LGR4: variants seen among roughly 807,000 people sequenced by gnomAD.
The protein encoded by LGR4 is leucine-rich repeat-containing G protein-coupled receptor 4.
A neutral mutation model predicts 84.8 loss-of-function variants in LGR4; 44 were observed. That is an observed-to-expected ratio of 0.52 (90% confidence interval 0.41 to 0.67). The LOEUF (loss-of-function observed/expected upper bound fraction) is 0.67, where lower values mean the gene tolerates loss of function less well. Ranked by LOEUF, LGR4 falls within the 30% of genes least tolerant of loss-of-function variation. LGR4 has a pLI of 0.00. For synonymous variants in LGR4, 429 were observed against 434.3 expected, an observed-to-expected ratio of 0.99 and a Z score of 0.15; for missense variants, 1,032 against 1,131.4, an observed-to-expected ratio of 0.91 and a Z score of 1.26.
At chr11:27,393,301 G>C (rs1475239927) in intron 2 of LGR4, among the ~76,000 whole-genome samples, 2 of 152,118 alleles carry the variant, frequency 1.3e-5, no homozygotes, top group African/African-American at 4.8e-5. Context: ...TTAACTTGTA[G>C]ACAGGTGAAG....
intron 1 of LGR4, among the ~76,000 whole-genome samples, chr11:27,466,142 TAA>T (rs1421753347): frequency 6.6e-6 from 1 of 152,244 alleles, no homozygotes; most frequent in African/African-American, 2.4e-5. Flanking sequence ...AAGAATACTC[TAA>T]GTTACATTAC....
At chr11:27,416,920 T>C (rs1008313942) in intron 1 of LGR4, among the ~76,000 whole-genome samples, 2 of 152,164 alleles carry the variant, frequency 1.3e-5, no homozygotes, top group Non-Finnish European at 2.9e-5. Flanking sequence ...GAATATCATG[T>C]TTCAACAAGG....
chr11:27,411,839 G>A (rs1485219564), intron 2 of LGR4, among the ~76,000 whole-genome samples: 2 of 152,070 alleles, frequency 1.3e-5, no homozygotes, highest in Non-Finnish European at 2.9e-5. Context: ...TTCTCTAGGG[G>A]AGTGGCCGAG....
At chr11:27,439,706 G>A (rs780102632) in intron 1 of LGR4, among the ~76,000 whole-genome samples, 5 of 151,964 alleles carry the variant, frequency 3.3e-5, no homozygotes, top group African/African-American at 4.8e-5. Flanking sequence ...ATTTTTACTC[G>A]GCAATGCTCT....
intron 11 of LGR4, among the ~76,000 whole-genome samples, chr11:27,377,621 T>G (rs1446115731): frequency 1.3e-5 from 2 of 152,098 alleles, no homozygotes; most frequent in Non-Finnish European, 2.9e-5. Flanking sequence ...TTGTATTTTT[T>G]CAATATTGTT....
intron 2 of LGR4, among the ~76,000 whole-genome samples, chr11:27,410,141 C>T (rs1401459016): frequency 6.6e-6 from 1 of 152,110 alleles, no homozygotes. Context: ...ATAATAGCCA[C>T]CTGTGGCTAG....
chr11:27,415,700 T>C (rs1310041954), intron 1 of LGR4, among the ~76,000 whole-genome samples: 1 of 152,116 alleles, frequency 6.6e-6, no homozygotes, highest in Non-Finnish European at 1.5e-5. Flanking sequence ...TTTCTGGGAT[T>C]CAGTTACAAC....
intron 1 of LGR4, among the ~76,000 whole-genome samples, chr11:27,469,894 A>T (rs961399054): frequency 6.6e-6 from 1 of 152,214 alleles, no homozygotes; most frequent in Admixed American, 6.5e-5. Context: ...TGGAGTGTGC[A>T]AACCTGCAGC....
Position 27,378,742 on chromosome 11 carries a change from C to A in LGR4, c.998G>T (p.Ser333Ile). The change falls in exon 11 of 18, where the codon AGC becomes ATC. Residue 333 changes from serine to isoleucine, a missense_variant. By Grantham distance (142) the Ser-to-Ile change is moderately radical. Transcript: ENST00000379214. ...TTCTTGACACAAATTATTAGGTATG[C>A]TGCTTATCTTTGTACCTGTCAAAGT... The part of the protein sequence containing the change: ...SLTLTGTKIS[S>I]IPNNLCQEQK... 1 of 1,612,104 alleles carries A rather than the reference C, an allele frequency of 6.2e-7. No homozygotes were observed. The highest frequency in any genetic ancestry group is 2.2e-5 in the East Asian group (1 of 44,808).
At position 27,367,878 on chromosome 11, in the gene LGR4, C is replaced by T; in HGVS notation, c.2845G>A (p.Val949Ile). 6.3e-7 allele frequency: 1 copy of T among 1,590,156 alleles called. No individual in the cohort carries two copies. The highest frequency in any genetic ancestry group is 2.2e-5 in the East Asian group (1 of 44,776). The change falls in exon 18 of 18, where the codon GTT (valine) becomes ATT (isoleucine). Residue 949 changes from valine to isoleucine, a missense_variant. Physicochemically the swap from Val to Ile is conservative, Grantham distance 29. Coordinates refer to ENST00000379214, the MANE Select transcript of LGR4 (RefSeq NM_018490.5). Reference protein sequence around the residue: ...LVRYAYNLPRVKD With the variant: ...LVRYAYNLPRIKD Reference sequence around the variant, plus strand: ...ACACACACAGTAGTTCAGTCTTTAACTCTTGGTAGATTGTAAGCATAGCGC... The same window carrying T: ...ACACACACAGTAGTTCAGTCTTTAATTCTTGGTAGATTGTAAGCATAGCGC...
chr11:27,373,447 T>C (rs1250597336), intron 15 of LGR4, 104 bp downstream of exon 15: 6 of 1,114,128 alleles, frequency 5.4e-6, no homozygotes, highest in Admixed American at 2.6e-5. Flanking sequence ...CCTTAAATTA[T>C]AGCCTATCAG....
intron 6 of LGR4, 144 bp downstream of exon 6, chr11:27,384,192 T>A (rs1358977822): frequency 1.7e-6 from 1 of 606,024 alleles, no homozygotes; most frequent in Non-Finnish European, 2.9e-6. Flanking sequence ...TTAGGTTATT[T>A]GATAGCAAGA....
intron 3 of LGR4, among the ~76,000 whole-genome samples, chr11:27,391,964 T>G (rs1863294489): frequency 6.6e-6 from 1 of 152,174 alleles, no homozygotes; most frequent in African/African-American, 2.4e-5. Context: ...TCTGCCATAC[T>G]CCAGGCTCCT....
Position 27,392,384 on chromosome 11 carries a change from A to T in LGR4, c.329+63T>A, listed in dbSNP as rs1044977036. ...AACTGTGCTTAACCTAGTTCCAAGC[A>T]TGTTGACTACGCAGAAAGAAAATAC... On this transcript the variant is annotated intron_variant, in intron 3 of 17. Coordinates refer to ENST00000379214, the MANE Select transcript of LGR4 (RefSeq NM_018490.5). 9 of 1,282,100 alleles carry T rather than the reference A, an allele frequency of 7.0e-6. No individual in the cohort carries two copies. In the African/African-American group the frequency reaches 1.4e-4, roughly 19 times the overall value. 79.4% of individuals were successfully genotyped at this position (1,282,100 alleles called of 1,614,324 possible). A position where few individuals can be genotyped will look rare whatever the true frequency, so the allele number is the denominator to read the frequency against.
intron 1 of LGR4, among the ~76,000 whole-genome samples, chr11:27,441,758 C>T (rs1864307627): frequency 6.6e-6 from 1 of 151,998 alleles, no homozygotes; most frequent in African/African-American, 2.4e-5. Context: ...CAGGGCTCAC[C>T]AATGTGATGG....
intron 1 of LGR4, among the ~76,000 whole-genome samples, chr11:27,436,573 A>G (rs1404423146): frequency 6.6e-6 from 1 of 152,130 alleles, no homozygotes; most frequent in African/African-American, 2.4e-5. Flanking sequence ...ATAACTAACA[A>G]TATATATGTA....
At chr11:27,384,587 G>T (rs953467903) in intron 5 of LGR4, among the ~76,000 whole-genome samples, 180 bp from the exon 6 acceptor site, 9 of 152,096 alleles carry the variant, frequency 5.9e-5, no homozygotes, top group Non-Finnish European at 1.2e-4. Context: ...GTTATCTCTT[G>T]CTATGTACAC....
At position 27,394,381 on chromosome 11, in the gene LGR4, C is replaced by T. The variant is rs118160982; in HGVS notation, c.258-1863G>A. On this transcript the variant is annotated intron_variant, in intron 2 of 17. Coordinates refer to ENST00000379214, the MANE Select transcript of LGR4 (RefSeq NM_018490.5). ...TCTAGACTAGCCAGCTTTATCACTA[C>T]ATTTTTTACTTACTTATTTATTTTA... 7.9e-4 allele frequency among the ~76,000 whole-genome samples: 121 copies of T among 152,214 alleles called. 5 individuals are homozygous for T. The East Asian group carries it at 0.022, about 28-fold the overall frequency.
At chr11:27,428,695 T>C (rs2133418179) in intron 1 of LGR4, among the ~76,000 whole-genome samples, 1 of 152,338 alleles carries the variant, frequency 6.6e-6, no homozygotes, top group South Asian at 2.1e-4. Context: ...ACTTTGTTAC[T>C]GAATGTTACT....
Sources: allele counts gnomAD v4.1 joint callset (sites outside exome capture counted in the v4.1 genomes callset), GRCh38; gene constraint gnomAD v4.1.1; transcripts MANE v1.5; gene names NCBI Gene and HGNC (gene_info 2026-07-23, HGNC 2026-07-21).